The following GRM7 variants were observed in gnomAD, a reference collection of about 807,000 sequenced individuals.
GRM7 encodes the protein metabotropic glutamate receptor 7.
GRM7 carries 35 observed loss-of-function variants against 84.5 expected under a neutral mutation model. That is an observed-to-expected ratio of 0.41 (90% CI 0.32 to 0.55). GRM7 has a LOEUF of 0.55. Ranked by LOEUF, GRM7 falls within the 20% of genes least tolerant of loss-of-function variation. GRM7 has a pLI of 0.19. For missense variants in GRM7, 1,003 were observed against 1,194.6 expected (o/e 0.84, Z 2.36); for synonymous variants, 487 against 455.1 (o/e 1.07, Z -0.89).
chr3:7,199,856 T>C (rs1298708237), intron 2 of GRM7, among the ~76,000 whole-genome samples: 3 of 152,324 alleles, frequency 2.0e-5, no homozygotes, highest in Non-Finnish European at 2.9e-5. Context: ...GTCATATATA[T>C]GGAATCTTAA....
intron 8 of GRM7, among the ~76,000 whole-genome samples, chr3:7,665,194 C>T (rs1347932579): frequency 4.9e-5 from 6 of 121,364 alleles, no homozygotes; most frequent in African/African-American, 1.6e-4. Context: ...TTTTTTGAGA[C>T]GGAGTCTCAC....
chr3:7,167,165 C>G (rs1694826315), intron 2 of GRM7, among the ~76,000 whole-genome samples: 1 of 152,142 alleles, frequency 6.6e-6, no homozygotes, highest in Non-Finnish European at 1.5e-5. Context: ...GCACTCTAAG[C>G]AAAAATACTG....
chr3:6,919,915 G>A (rs1201058071), intron 1 of GRM7, among the ~76,000 whole-genome samples: 1 of 152,138 alleles, frequency 6.6e-6, no homozygotes, highest in Non-Finnish European at 1.5e-5. Flanking sequence ...GCTAAAACTA[G>A]AGGTGAAGCT....
chr3:7,450,403 C>G (rs1342080924), intron 5 of GRM7, among the ~76,000 whole-genome samples: 1 of 152,012 alleles, frequency 6.6e-6, no homozygotes, highest in Non-Finnish European at 1.5e-5. Flanking sequence ...ATGAATTTAC[C>G]CTTTGACAAA....
Position 7,677,273 on chromosome 3 carries a change from A to AAC in GRM7, c.2452-2775_2452-2774insCA, listed in dbSNP as rs1553635839. Among the ~76,000 whole-genome samples, 992 of 123,750 alleles carry AAC rather than the reference A, an allele frequency of 8.0e-3. 18 individuals are homozygous for AAC. The highest frequency in any genetic ancestry group is 0.054 in the East Asian group (233 of 4,332). 81.2% of individuals were successfully genotyped at this position (123,750 alleles called of 152,430 possible). A position where few individuals can be genotyped will look rare whatever the true frequency, so the allele number is the denominator to read the frequency against. ...GGAGACTCTGTCTTTAAAAAAAAAAAAAAAAAAAAAAAAAAAAAAAACTTA... is the reference window on the plus strand; with the variant it reads ...GGAGACTCTGTCTTTAAAAAAAAAAAACAAAAAAAAAAAAAAAAAAAAACTTA... On this transcript the variant is annotated intron_variant, in intron 8 of 9. Transcript: ENST00000357716.
chr3:7,003,943 C>T (rs1330109780), intron 1 of GRM7, among the ~76,000 whole-genome samples: 4 of 152,146 alleles, frequency 2.6e-5, no homozygotes, highest in African/African-American at 9.7e-5. Context: ...CTACTTCCTA[C>T]ATGATGCACT....
chr3:7,656,150 A>G (rs1365576371), intron 8 of GRM7, among the ~76,000 whole-genome samples: 1 of 152,090 alleles, frequency 6.6e-6, no homozygotes, highest in African/African-American at 2.4e-5. Flanking sequence ...TGTTCTTTCT[A>G]TCCTGTCCAT....
At chr3:7,110,962 C>G (rs1692828802) in intron 1 of GRM7, among the ~76,000 whole-genome samples, 1 of 151,914 alleles carries the variant, frequency 6.6e-6, no homozygotes, top group African/African-American at 2.4e-5. Flanking sequence ...AGGTTGTGAG[C>G]CAGGGGAAGA....
intron 7 of GRM7, among the ~76,000 whole-genome samples, chr3:7,529,548 A>G (rs1700946166): frequency 6.6e-6 from 1 of 152,054 alleles, no homozygotes; most frequent in Non-Finnish European, 1.5e-5. Context: ...TAGACTCTTA[A>G]CGGACACTTA....
chr3:7,159,755 G>A (rs1456824705), intron 2 of GRM7, among the ~76,000 whole-genome samples: 2 of 152,136 alleles, frequency 1.3e-5, no homozygotes, highest in Non-Finnish European at 2.9e-5. Context: ...TCAGGACGTA[G>A]TAAGGAAGCC....
intron 9 of GRM7, among the ~76,000 whole-genome samples, chr3:7,726,143 CA>C: frequency 6.6e-6 from 1 of 152,124 alleles, no homozygotes; most frequent in South Asian, 2.1e-4. Context: ...GTCAATCTAA[CA>C]AAAAATATGA....
intron 7 of GRM7, among the ~76,000 whole-genome samples, chr3:7,479,763 CAATA>C (rs1200812653): frequency 6.6e-6 from 1 of 151,972 alleles, no homozygotes; most frequent in Non-Finnish European, 1.5e-5. Context: ...GGTTTATAGG[CAATA>C]AATAAGTGGA....
chr3:7,262,101 T>A (rs1698451974), intron 2 of GRM7, among the ~76,000 whole-genome samples: 1 of 149,182 alleles, frequency 6.7e-6, no homozygotes, highest in Admixed American at 6.7e-5. Flanking sequence ...GCCTTTGACT[T>A]TTTTTTTTTT....
chr3:7,183,010 T>G (rs147061016), intron 2 of GRM7, among the ~76,000 whole-genome samples: 1 of 148,996 alleles, frequency 6.7e-6, no homozygotes, highest in Non-Finnish European at 1.5e-5. Context: ...ACAGATAGAA[T>G]AGCATAGTGG....
intron 7 of GRM7, among the ~76,000 whole-genome samples, chr3:7,512,192 C>T (rs1700232600): frequency 6.6e-6 from 1 of 152,058 alleles, no homozygotes; most frequent in Non-Finnish European, 1.5e-5. Flanking sequence ...ATTCAGTGAC[C>T]ATGAGAAAAT....
At chr3:6,892,851 T>A (rs569202695) in intron 1 of GRM7, 2 of 152,140 alleles carry the variant, frequency 1.3e-5, no homozygotes, top group African/African-American at 2.4e-5. Flanking sequence ...GAGATCAGCT[T>A]CTGTTGTGTG....
At chr3:7,006,838 C>A (rs917575296) in intron 1 of GRM7, among the ~76,000 whole-genome samples, 12 of 152,138 alleles carry the variant, frequency 7.9e-5, no homozygotes, top group African/African-American at 2.9e-4. Flanking sequence ...TGAGCACCTA[C>A]TATGTGTTAG....
At chr3:7,730,760 T>C (rs78758729) in intron 9 of GRM7, among the ~76,000 whole-genome samples, 5 of 152,202 alleles carry the variant, frequency 3.3e-5, no homozygotes, top group African/African-American at 1.2e-4. Flanking sequence ...GCTTCGATCT[T>C]TGATGTATGA....
In GRM7 at chr3:7,151,067, G is replaced by A. The variant is rs970667153; in HGVS notation, c.736+4399G>A. 1.3e-5 allele frequency among the ~76,000 whole-genome samples: 2 copies of A among 152,108 alleles called. No individual in the cohort carries two copies. Among genetic ancestry groups the A allele is most frequent in the Non-Finnish European group, 2.9e-5 (2 of 68,030 alleles). On this transcript the variant is annotated intron_variant, in intron 2 of 9. Coordinates refer to ENST00000357716, the MANE Select transcript of GRM7 (RefSeq NM_000844.4). This position sits in a 1 kb window ranked among gnomAD's most constrained non-coding sequence, Gnocchi z 4.5. ...TTTACAGTGATCACTTAACATAGTT[G>A]TATTTCAATTGTTCTTATAAAGTAA... is the stretch of plus-strand genomic sequence containing the variant.
Sources: gnomAD v4.1 joint callset for allele counts (sites outside exome capture counted in the v4.1 genomes callset) on GRCh38, gnomAD v4.1.1 for gene constraint, Gnocchi (gnomAD v3.1) non-coding constraint, MANE v1.5 for transcripts, NCBI Gene and HGNC (gene_info 2026-07-23, HGNC 2026-07-21) for gene names.